The following EPB41L1 variants were observed in gnomAD, a reference collection of about 807,000 sequenced individuals.
EPB41L1 encodes erythrocyte membrane protein band 4.1 like 1.
A neutral mutation model predicts 97.8 loss-of-function variants in EPB41L1; 29 were observed. The observed-to-expected ratio is 0.30, with a 90% CI of 0.22 to 0.40. The LOEUF (loss-of-function observed/expected upper bound fraction) is 0.40. Among genes scored for constraint, EPB41L1 ranks in the 10% least tolerant of loss-of-function variants. The pLI is 1.00. For synonymous variants in EPB41L1, 383 were observed against 459.2 expected (o/e 0.83, Z 2.12); for missense variants, 812 against 1,162.3 (o/e 0.70, Z 4.38).
rs561382040 is a variant in EPB41L1, at chr20:36,156,457, G to A, written c.-15+1561G>A. 9.2e-5 allele frequency among the ~76,000 whole-genome samples: 14 copies of A among 152,322 alleles called. No homozygotes were observed. The East Asian group carries it at 2.1e-3, about 23-fold the overall frequency. On this transcript the variant is annotated intron_variant, in intron 1 of 21. Coordinates refer to ENST00000338074, the MANE Select transcript of EPB41L1 (RefSeq NM_012156.2). ...CTCAGTCGATATTGAAAGGTTGAAC[G>A]GGGCCTAGAGAGTAAGAGTGACTTG...
intron 1 of EPB41L1, chr20:36,109,729 A>G (rs1403290437): frequency 6.6e-6 from 1 of 152,164 alleles, no homozygotes; most frequent in Non-Finnish European, 1.5e-5. Flanking sequence ...ATTCCATTTT[A>G]CAGATGAGGA....
At chr20:36,126,903 C>A (rs1294853816) in intron 2 of EPB41L1, among the ~76,000 whole-genome samples, 1 of 152,274 alleles carries the variant, frequency 6.6e-6, no homozygotes, top group Non-Finnish European at 1.5e-5. Context: ...AATGCCACAG[C>A]TGGGCTTGGC....
intron 1 of EPB41L1, among the ~76,000 whole-genome samples, chr20:36,098,105 C>T (rs763608263): frequency 6.6e-6 from 1 of 152,166 alleles, no homozygotes; most frequent in Non-Finnish European, 1.5e-5. Flanking sequence ...ATACCTAGAA[C>T]AGGCTGTTCT....
intron 2 of EPB41L1, among the ~76,000 whole-genome samples, chr20:36,117,795 C>T (rs1337062512): frequency 6.6e-6 from 1 of 152,244 alleles, no homozygotes; most frequent in Non-Finnish European, 1.5e-5. Flanking sequence ...AGGACTCCCT[C>T]TCTGGTTCAG....
At chr20:36,098,385 C>G (rs550968917) in intron 1 of EPB41L1, among the ~76,000 whole-genome samples, 27 of 152,308 alleles carry the variant, frequency 1.8e-4, no homozygotes, top group African/African-American at 6.0e-4. Context: ...TTTACTCCCC[C>G]ACTTGTGGAG....
intron 2 of EPB41L1, among the ~76,000 whole-genome samples, chr20:36,126,646 G>A (rs1470696846): frequency 2.0e-5 from 3 of 152,186 alleles, no homozygotes; most frequent in Admixed American, 6.5e-5. Flanking sequence ...GATTACAGGC[G>A]TGAGCCACCG....
At position 36,229,477 on chromosome 20, in the gene EPB41L1, G is replaced by A. The variant is rs2064389635; in HGVS notation, c.*137G>A. On this transcript the variant is annotated 3_prime_UTR_variant, in exon 22 of 22. Transcript: ENST00000338074. ...ACTGTCACTGATGAGAGACTGGGAA[G>A]GGAAAAGCATATATATATAGATATA... The A allele has an allele frequency of 3.7e-6, 3 of 815,304 alleles. No individual in the cohort carries two copies. The allele number at this position is 815,304 out of a possible 1,614,324, so 50.5% of individuals were successfully genotyped here.
chr20:36,190,432 G>T lies in EPB41L1; in HGVS notation c.1124+58G>T. The T allele has an allele frequency of 6.3e-7, 1 of 1,576,948 alleles. No homozygotes were observed. On this transcript the variant is annotated intron_variant, in intron 10 of 21. Transcript: ENST00000338074. The surrounding 1 kb of genome is among the most constrained non-coding windows in gnomAD (Gnocchi z 5.8). ...GGGGCAGAGGCCATGTGTATGGAGGGGAGCAGGGGGAGGAGTTAGTGAGAA... is the reference window on the plus strand; with the variant it reads ...GGGGCAGAGGCCATGTGTATGGAGGTGAGCAGGGGGAGGAGTTAGTGAGAA...
At chr20:36,148,273 C>T (rs2059914096) in intron 2 of EPB41L1, among the ~76,000 whole-genome samples, 1 of 152,136 alleles carries the variant, frequency 6.6e-6, no homozygotes, top group Non-Finnish European at 1.5e-5. Flanking sequence ...GGTCACATGA[C>T]CCTGAACTTG....
In EPB41L1 at chr20:36,178,002, C is replaced by A; in HGVS notation, c.393C>A (p.Asn131Lys). The change falls in exon 4 of 22, where the codon AAC (asparagine) becomes AAA (lysine). Residue 131 changes from asparagine to lysine, a missense_variant. By Grantham distance (94) the Asn-to-Lys change is moderately conservative. Around this residue, in one of 3 missense-constraint regions of EPB41L1, gnomAD observed 230 missense variants for 445.2 expected, o/e 0.52. Transcript: ENST00000338074. ...TTGACCTGGTCTGTGAACACCTCAA[C>A]CTCCTAGAGAAGGACTACTTCGGCC... ...VLFDLVCEHL[N>K]LLEKDYFGLT... is the part of the protein sequence containing the mutation. 6.2e-7 allele frequency: 1 copy of A among 1,614,200 alleles called. No homozygotes were observed.
chr20:36,094,667 C>G (rs943688409), intron 1 of EPB41L1, among the ~76,000 whole-genome samples: 4 of 152,090 alleles, frequency 2.6e-5, no homozygotes, highest in Non-Finnish European at 5.9e-5. Context: ...GGGCCAGCAG[C>G]AGATTTCTGC....
intron 1 of EPB41L1, among the ~76,000 whole-genome samples, chr20:36,097,758 T>TA (rs2057879217): frequency 6.6e-6 from 1 of 152,196 alleles, no homozygotes; most frequent in African/African-American, 2.4e-5. Flanking sequence ...AACGGCTTCT[T>TA]AGGGGAACCC....
At chr20:36,208,507 G>C (rs989769584) in intron 14 of EPB41L1, 1 of 274,282 alleles carries the variant, frequency 3.6e-6, no homozygotes, top group African/African-American at 2.3e-5. Context: ...AGCACCTCTC[G>C]TGCTGCTCAA....
intron 14 of EPB41L1, among the ~76,000 whole-genome samples, chr20:36,198,812 A>G (rs541978035): frequency 6.6e-6 from 1 of 152,308 alleles, no homozygotes; most frequent in African/African-American, 2.4e-5. Flanking sequence ...GTTGTGGTGT[A>G]GACTTGCACT....
chr20:36,157,178 C>T (rs533119283), intron 1 of EPB41L1, among the ~76,000 whole-genome samples: 4 of 152,146 alleles, frequency 2.6e-5, no homozygotes, highest in African/African-American at 9.6e-5. Context: ...GAGCCGACAT[C>T]GTGCCACTGC....
Position 36,232,421 on chromosome 20 carries a change from CAGAA to C in EPB41L1, c.*3086_*3089del, listed in dbSNP as rs2064530757. 1.5e-5 allele frequency: 6 copies of C among 391,192 alleles called. No homozygotes were observed. In the East Asian group the frequency reaches 1.8e-4, roughly 12 times the overall value. The allele number at this position is 391,192 out of a possible 1,614,324, so 24.2% of individuals were successfully genotyped here. On this transcript the variant is annotated 3_prime_UTR_variant, in exon 22 of 22. Coordinates refer to ENST00000338074, the MANE Select transcript of EPB41L1 (RefSeq NM_012156.2). ...TCAGTTTCCCGACTTGCAAAATAAG[CAGAA>C]AGAACCAGATGCTCTCCAGGGTCTT...
chr20:36,225,815 C>T (rs181701775), intron 21 of EPB41L1, among the ~76,000 whole-genome samples: 1 of 152,148 alleles, frequency 6.6e-6, no homozygotes, highest in Non-Finnish European at 1.5e-5. Flanking sequence ...TCAGAGCCCT[C>T]ATCCTGGCCT....
At chr20:36,102,497 T>TGTGAAG (rs2058052752) in intron 1 of EPB41L1, among the ~76,000 whole-genome samples, 1 of 152,182 alleles carries the variant, frequency 6.6e-6, no homozygotes, top group African/African-American at 2.4e-5. Context: ...GGTCAGGGAC[T>TGTGAAG]GTAGACCTGT....
intron 1 of EPB41L1, 80 bp from the exon 2 acceptor site, chr20:36,173,684 C>A: frequency 7.7e-6 from 10 of 1,300,778 alleles, no homozygotes; most frequent in Non-Finnish European, 1.1e-5. Flanking sequence ...CTGTCTCTCT[C>A]CGCGTGTGGT....
Sources: gnomAD v4.1 joint callset for allele counts (sites outside exome capture counted in the v4.1 genomes callset) on GRCh38, gnomAD v4.1.1 for gene constraint, gnomAD v4.1.1 regional missense constraint, Gnocchi (gnomAD v3.1) non-coding constraint, MANE v1.5 for transcripts, NCBI Gene and HGNC (gene_info 2026-07-23, HGNC 2026-07-21) for gene names.